Variants in PLEKHA7 observed in about 807,000 individuals in gnomAD.
The protein encoded by PLEKHA7 is pleckstrin homology domain-containing family A member 7.
Under a neutral mutation model 170.0 loss-of-function variants are expected in PLEKHA7, and 104 were observed. The observed-to-expected ratio is 0.61, with a 90% CI of 0.52 to 0.72. The LOEUF is 0.72. PLEKHA7 is among the 30% of genes least tolerant of loss of function. The pLI, the probability that PLEKHA7 is intolerant of heterozygous loss-of-function variation, is 0.00. For synonymous variants in PLEKHA7, 648 were observed against 660.8 expected, an observed-to-expected ratio of 0.98 and a Z score of 0.30; for missense variants, 1,615 against 1,671.7, an observed-to-expected ratio of 0.97 and a Z score of 0.59.
At chr11:16,803,957 G>T (rs1244898390) in intron 13 of PLEKHA7, among the ~76,000 whole-genome samples, 1 of 152,178 alleles carries the variant, frequency 6.6e-6, no homozygotes, top group Non-Finnish European at 1.5e-5. Context: ...AAACCATAAA[G>T]CAATATACAA....
chr11:16,946,118 GT>G (rs1861014204), intron 3 of PLEKHA7, among the ~76,000 whole-genome samples: 1 of 152,208 alleles, frequency 6.6e-6, no homozygotes, highest in Non-Finnish European at 1.5e-5. Flanking sequence ...GGAGCCTGCT[GT>G]GGCGCCACCC....
At chr11:16,992,278 C>T (rs1277904214) in intron 3 of PLEKHA7, among the ~76,000 whole-genome samples, 1 of 152,186 alleles carries the variant, frequency 6.6e-6, no homozygotes, top group Non-Finnish European at 1.5e-5. Context: ...AAATTGCTCC[C>T]GGCTTTCAAG....
intron 3 of PLEKHA7, among the ~76,000 whole-genome samples, chr11:16,891,887 G>A (rs1440039688): frequency 6.6e-6 from 1 of 152,176 alleles, no homozygotes; most frequent in African/African-American, 2.4e-5. Flanking sequence ...CACAACTGCT[G>A]TCTTCATCAC....
chr11:16,810,911 A>C (rs1177179888), intron 13 of PLEKHA7, among the ~76,000 whole-genome samples: 1 of 152,182 alleles, frequency 6.6e-6, no homozygotes, highest in South Asian at 2.1e-4. Context: ...AGCCTTTCGG[A>C]GTCACGGTCC....
chr11:16,818,701 G>T (rs1447388424), intron 10 of PLEKHA7, among the ~76,000 whole-genome samples: 1 of 152,174 alleles, frequency 6.6e-6, no homozygotes, highest in East Asian at 1.9e-4. Flanking sequence ...AGAAAGTCCT[G>T]TGCGTAATTA....
intron 8 of PLEKHA7, among the ~76,000 whole-genome samples, chr11:16,845,772 G>C (rs372335239): frequency 7.9e-5 from 12 of 152,170 alleles, no homozygotes; most frequent in Admixed American, 7.2e-4. Context: ...AACAGGTGAG[G>C]GGGGGATGGG....
chr11:16,955,079 T>C (rs1861623239), intron 3 of PLEKHA7, among the ~76,000 whole-genome samples: 1 of 152,234 alleles, frequency 6.6e-6, no homozygotes, highest in Admixed American at 6.5e-5. Flanking sequence ...GATGGATTTT[T>C]TATTTACTCA....
intron 3 of PLEKHA7, among the ~76,000 whole-genome samples, chr11:16,890,704 A>C (rs378755): frequency 0.47 from 72,016 of 151,820 alleles, 17,597 homozygotes; most frequent in Non-Finnish European, 0.54. Flanking sequence ...TAAGAAATTG[A>C]TTGAGGTAAC....
chr11:17,013,435 C>G (rs973081171), intron 3 of PLEKHA7: 4 of 152,908 alleles, frequency 2.6e-5, no homozygotes, highest in African/African-American at 7.2e-5. Flanking sequence ...TTCCCCACCC[C>G]CTCCCTCCCC....
At chr11:16,908,643 G>A (rs577313312) in intron 3 of PLEKHA7, among the ~76,000 whole-genome samples, 85 of 152,224 alleles carry the variant, frequency 5.6e-4, no homozygotes, top group Middle Eastern at 3.4e-3. Flanking sequence ...TTACAGGCAT[G>A]TGCCACCATG....
At chr11:16,929,462 C>T (rs1201299329) in intron 3 of PLEKHA7, among the ~76,000 whole-genome samples, 1 of 152,182 alleles carries the variant, frequency 6.6e-6, no homozygotes, top group African/African-American at 2.4e-5. Context: ...GTCCTAAGAA[C>T]CCAAAACTGT....
chr11:16,963,747 G>C (rs923582907), intron 3 of PLEKHA7, among the ~76,000 whole-genome samples: 7 of 152,330 alleles, frequency 4.6e-5, no homozygotes, highest in Admixed American at 1.3e-4. Context: ...TATCCAAAAG[G>C]ACAGGGACAC....
At chr11:16,944,866 T>C (rs76148276) in intron 3 of PLEKHA7, among the ~76,000 whole-genome samples, 2,601 of 152,354 alleles carry the variant, frequency 0.017, 87 homozygotes, top group African/African-American at 0.06. Flanking sequence ...TCATTAATGA[T>C]TGTTAATCCT....
chr11:16,927,511 C>T (rs1352085836), intron 3 of PLEKHA7, among the ~76,000 whole-genome samples: 1 of 152,078 alleles, frequency 6.6e-6, no homozygotes, highest in Non-Finnish European at 1.5e-5. Context: ...TCTCTAGCCT[C>T]GTTTCATGTA....
intron 3 of PLEKHA7, among the ~76,000 whole-genome samples, chr11:16,880,308 A>C (rs567220717): frequency 1.3e-5 from 2 of 152,214 alleles, no homozygotes; most frequent in South Asian, 4.1e-4. Context: ...CAGCTCTGCC[A>C]CACACTGGTA....
Position 16,834,108 on chromosome 11 carries a change from T to C in PLEKHA7, c.872+7439A>G, listed in dbSNP as rs1851331390. ...TCACTACAACCTCCTCCTCCCGGGT[T>C]CAAGCGGTTCTCCTGTCTCAGCCTC... On this transcript the variant is annotated intron_variant, in intron 9 of 26. Coordinates refer to ENST00000531066, the MANE Select transcript of PLEKHA7 (RefSeq NM_001329630.2). Among the ~76,000 whole-genome samples the C allele has an allele frequency of 3.3e-5, 5 of 152,274 alleles. 1 individual carries two copies. In the South Asian group the frequency reaches 8.3e-4, roughly 25 times the overall value.
intron 3 of PLEKHA7, among the ~76,000 whole-genome samples, chr11:16,918,378 T>C (rs1184136502): frequency 6.6e-6 from 1 of 152,088 alleles, no homozygotes; most frequent in Non-Finnish European, 1.5e-5. Flanking sequence ...AGGAGAAAGG[T>C]CCTAGGCTCA....
intron 3 of PLEKHA7, among the ~76,000 whole-genome samples, chr11:16,897,097 T>C (rs913899969): frequency 1.9e-4 from 29 of 152,292 alleles, no homozygotes; most frequent in African/African-American, 7.0e-4. Flanking sequence ...CAAAGTCTCA[T>C]GCAATGCAAT....
chr11:16,970,179 T>C (rs73427263), intron 3 of PLEKHA7, among the ~76,000 whole-genome samples: 5 of 152,068 alleles, frequency 3.3e-5, no homozygotes, highest in African/African-American at 4.8e-5. Context: ...ACAAAACAGA[T>C]GAATCTGAAC....
Sources: allele counts gnomAD v4.1 joint callset (sites outside exome capture counted in the v4.1 genomes callset), GRCh38; gene constraint gnomAD v4.1.1; transcripts MANE v1.5; gene names NCBI Gene and HGNC (gene_info 2026-07-23, HGNC 2026-07-21).